Variants in PMS2 observed in about 807,000 individuals in gnomAD.
The protein encoded by PMS2 is mismatch repair endonuclease PMS2.
PMS2 carries 69 observed loss-of-function variants against 90.0 expected under a neutral mutation model. That is an observed-to-expected ratio of 0.77 (90% CI 0.63 to 0.94). PMS2 has a LOEUF of 0.94. Among genes scored for constraint, PMS2 ranks in the 40% least tolerant of loss-of-function variants. The pLI, the probability that PMS2 is intolerant of heterozygous loss-of-function variation, is 0.00. For missense variants in PMS2, 966 were observed against 1,040.2 expected, an observed-to-expected ratio of 0.93 and a Z score of 0.98; for synonymous variants, 332 against 375.1, an observed-to-expected ratio of 0.89 and a Z score of 1.33.
chr7:5,991,507 T>C (rs1783725187), intron 9 of PMS2, among the ~76,000 whole-genome samples: 1 of 150,738 alleles, frequency 6.6e-6, no homozygotes, highest in South Asian at 2.1e-4. Flanking sequence ...ATAATTAACA[T>C]AGTCTCAAGT....
At chr7:5,985,387 G>T (rs1782747385) in intron 11 of PMS2, among the ~76,000 whole-genome samples, 1 of 147,256 alleles carries the variant, frequency 6.8e-6, no homozygotes, top group Non-Finnish European at 1.5e-5. Flanking sequence ...ATTACAAGGT[G>T]TGCACCACCA....
Position 6,009,038 on chromosome 7 carries a change from G to T in PMS2, c.-19C>A. The T allele has an allele frequency of 1.2e-6, 2 of 1,612,228 alleles. No homozygotes were observed. The highest frequency in any genetic ancestry group is 1.7e-6 in the Non-Finnish European group (2 of 1,179,686). ...GCTCCATGGATGCAACACCCGATCC[G>T]CCTCGGGGACTGGGAAAGTTCCCTC... is the stretch of plus-strand genomic sequence containing the variant. On this transcript the variant is annotated 5_prime_UTR_variant, in exon 1 of 15. Coordinates refer to ENST00000265849, the MANE Select transcript of PMS2 (RefSeq NM_000535.7).
intron 11 of PMS2, 132 bp from the exon 12 acceptor site, chr7:5,983,123 T>C: frequency 1.5e-6 from 2 of 1,353,096 alleles, no homozygotes; most frequent in Non-Finnish European, 2.0e-6. Context: ...CCCGCTTTCT[T>C]TTTTTTTGAA....
intron 1 of PMS2, among the ~76,000 whole-genome samples, chr7:6,007,282 A>AT (rs1416231848): frequency 6.6e-6 from 1 of 151,864 alleles, no homozygotes; most frequent in Admixed American, 6.6e-5. Context: ...CACCCAGCTA[A>AT]TTTTTGTGTT....
chr7:6,003,916 A>G (rs2128828692), intron 3 of PMS2, 56 bp downstream of exon 3: 2 of 1,325,300 alleles, frequency 1.5e-6, no homozygotes, highest in Non-Finnish European at 2.2e-6. Context: ...GTTACTCAAA[A>G]TTCTGAGACA....
chr7:5,993,153 C>G, intron 8 of PMS2, among the ~76,000 whole-genome samples: 1 of 151,104 alleles, frequency 6.6e-6, no homozygotes, highest in East Asian at 2.0e-4. Context: ...GGTGGATTGC[C>G]TGAGCTCAGG....
rs372297364 is a variant in PMS2 at position 5,999,218 on chromosome 7, G to A, written c.595C>T (p.Arg199Cys). Residue 199 changes from arginine to cysteine, a missense_variant, in exon 6 of 15, where the codon CGT (arginine) becomes TGT (cysteine). Around this residue, in one of 2 missense-constraint regions of PMS2, gnomAD observed 871 missense variants for 802.4 expected, o/e 1.09. Transcript: ENST00000265849. ...HAYCIISAGI[R>C]VSCTNQLGQG... ...CCAAGCTGATTGGTGCAACTTACAC[G>A]GATGCCTGCTGAAATGATACAGTAT... 49 of 1,613,616 alleles carry A rather than the reference G, an allele frequency of 3.0e-5. 1 individual carries two copies. In the Admixed American group the frequency reaches 3.2e-4, roughly 10 times the overall value.
intron 3 of PMS2, 68 bp downstream of exon 3, chr7:6,003,904 G>C: frequency 5.5e-6 from 7 of 1,266,554 alleles, no homozygotes; most frequent in Non-Finnish European, 8.1e-6. Flanking sequence ...TCCCAAGACA[G>C]TGTTACTCAA....
chr7:6,007,364 C>T (rs1410369308), intron 1 of PMS2, among the ~76,000 whole-genome samples: 1 of 152,124 alleles, frequency 6.6e-6, no homozygotes, highest in Non-Finnish European at 1.5e-5. Flanking sequence ...GATCCGCCTG[C>T]CTCGGCCTCC....
intron 11 of PMS2, among the ~76,000 whole-genome samples, chr7:5,984,829 G>A (rs1170306914): frequency 2.0e-5 from 3 of 151,464 alleles, no homozygotes; most frequent in Admixed American, 1.3e-4. Context: ...CTTTCTATAA[G>A]TGCTCCAGGA....
In PMS2 at chr7:5,995,581, C is replaced by G. The variant is rs2128775520; in HGVS notation, c.856G>C (p.Asp286His). The change falls in exon 8 of 15, where the codon GAC becomes CAC. Residue 286 changes from aspartate to histidine, a missense_variant. Coordinates refer to ENST00000265849, the MANE Select transcript of PMS2 (RefSeq NM_000535.7). ...CTHGVGRSSTDRQFFFINRRP... is the reference protein window; with the variant it reads ...CTHGVGRSSTHRQFFFINRRP... ...CGGTTGATAAAGAAAAACTGTCTGTCTGTTGAACTCCTTCCAACTCCATGC... is the reference window on the plus strand; with the variant it reads ...CGGTTGATAAAGAAAAACTGTCTGTGTGTTGAACTCCTTCCAACTCCATGC... The G allele has an allele frequency of 6.2e-7, 1 of 1,614,066 alleles. No homozygotes were observed. The highest frequency in any genetic ancestry group is 1.3e-5 in the African/African-American group (1 of 75,052).
At chr7:6,004,318 A>C in intron 2 of PMS2, 1 of 331,680 alleles carries the variant, frequency 3.0e-6, no homozygotes, top group Non-Finnish European at 5.5e-6. Context: ...GGAGTGGAGA[A>C]GGAACAAAAA....
chr7:5,991,579 C>T (rs1461253188), intron 9 of PMS2, among the ~76,000 whole-genome samples: 1 of 151,552 alleles, frequency 6.6e-6, no homozygotes, highest in Non-Finnish European at 1.5e-5. Context: ...GTGGCTCATG[C>T]CTGTAATCCC....
chr7:5,988,532 C>T (rs1783339751), intron 10 of PMS2, among the ~76,000 whole-genome samples: 1 of 152,186 alleles, frequency 6.6e-6, no homozygotes, highest in South Asian at 2.1e-4. Flanking sequence ...CACTGCACTC[C>T]AGCCTGGGCG....
chr7:5,980,812 A>G, intron 12 of PMS2, among the ~76,000 whole-genome samples: 1 of 146,114 alleles, frequency 6.8e-6, no homozygotes, highest in Non-Finnish European at 1.5e-5. Context: ...AGGGATATAA[A>G]GTAGCTTACT....
chr7:5,976,631 ACT>A (rs1781689247), intron 14 of PMS2, among the ~76,000 whole-genome samples: 1 of 136,552 alleles, frequency 7.3e-6, no homozygotes, highest in African/African-American at 2.6e-5. Context: ...TGCCTCGATG[ACT>A]CTGCAGAATC....
intron 5 of PMS2, among the ~76,000 whole-genome samples, chr7:6,001,020 C>CA (rs1260679136): frequency 8.6e-5 from 13 of 152,032 alleles, no homozygotes; most frequent in Admixed American, 8.5e-4. Flanking sequence ...AAATTAGCAC[C>CA]AAATGCTTTA....
chr7:6,008,634 G>A (rs1013811260), intron 1 of PMS2, among the ~76,000 whole-genome samples: 1 of 152,124 alleles, frequency 6.6e-6, no homozygotes, highest in South Asian at 2.1e-4. Context: ...AATAAAAGGG[G>A]AGAGAGAACA....
chr7:6,006,055 C>A (rs1785726990), intron 1 of PMS2, 24 bp from the exon 2 acceptor site: 2 of 1,609,440 alleles, frequency 1.2e-6, no homozygotes, highest in Non-Finnish European at 1.7e-6. Context: ...TTACAAGAAA[C>A]AAATCAAGTA....
Sources: allele counts gnomAD v4.1 joint callset (sites outside exome capture counted in the v4.1 genomes callset), GRCh38; gene constraint gnomAD v4.1.1; regional missense constraint gnomAD v4.1.1; transcripts MANE v1.5; gene names NCBI Gene and HGNC (gene_info 2026-07-23, HGNC 2026-07-21).